Variants in IFT81 observed in about 807,000 individuals in gnomAD.
IFT81 encodes intraflagellar transport 81, also known as intraflagellar transport protein 81 homolog.
IFT81 carries 72 observed loss-of-function variants against 102.6 expected under a neutral mutation model. The ratio of observed to expected loss-of-function variants is 0.70; its 90% CI spans 0.58 to 0.85. The LOEUF is 0.85. Ranked by LOEUF, IFT81 falls within the 40% of genes least tolerant of loss-of-function variation. The probability of loss-of-function intolerance (pLI) is 0.00; values close to 1 mark genes in which losing one functional copy is unlikely to be tolerated. For synonymous variants in IFT81, 237 were observed against 242.7 expected (o/e 0.98, Z 0.22); for missense variants, 723 against 787.3 (o/e 0.92, Z 0.98).
intron 4 of IFT81, among the ~76,000 whole-genome samples, chr12:110,131,030 C>T (rs1894130063): frequency 6.6e-6 from 1 of 152,062 alleles, no homozygotes; most frequent in Non-Finnish European, 1.5e-5. Context: ...TGCCTTTAAT[C>T]CTAGCACTTT....
chr12:110,131,351 C>CT (rs1175222442), intron 4 of IFT81, among the ~76,000 whole-genome samples: 7 of 150,790 alleles, frequency 4.6e-5, no homozygotes, highest in Non-Finnish European at 8.9e-5. Flanking sequence ...CATTCAATTA[C>CT]TTTTTTTTTG....
chr12:110,189,240 G>A (rs1897684762), intron 12 of IFT81, among the ~76,000 whole-genome samples: 1 of 151,998 alleles, frequency 6.6e-6, no homozygotes, highest in African/African-American at 2.4e-5. Flanking sequence ...ATCTTATCCT[G>A]TCTCATGGTT....
At chr12:110,160,254 A>G (rs1896067241) in intron 10 of IFT81, among the ~76,000 whole-genome samples, 1 of 152,230 alleles carries the variant, frequency 6.6e-6, no homozygotes, top group Admixed American at 6.5e-5. Flanking sequence ...ATGATAGACC[A>G]TCTGCAAGCT....
At chr12:110,175,696 G>A (rs1897004527) in intron 11 of IFT81, among the ~76,000 whole-genome samples, 1 of 152,112 alleles carries the variant, frequency 6.6e-6, no homozygotes, top group South Asian at 2.1e-4. Flanking sequence ...CCAGACCATT[G>A]CTCTAAATTA....
chr12:110,145,954 G>A (rs1450511333), intron 9 of IFT81, among the ~76,000 whole-genome samples: 1 of 151,816 alleles, frequency 6.6e-6, no homozygotes, highest in Non-Finnish European at 1.5e-5. Flanking sequence ...AGGACTACAG[G>A]TGCATGCCAC....
rs1365902127 is a variant in IFT81 at position 110,136,784 on chromosome 12, T to G, written c.705T>G (p.His235Gln). The G allele has an allele frequency of 6.2e-7, 1 of 1,604,456 alleles. No individual in the cohort carries two copies. The highest frequency in any genetic ancestry group is 8.5e-7 in the Non-Finnish European group (1 of 1,172,718). ...TTAATTGTATTTTAAAGCTATTTCA[T>G]GCAGTGCAAAGATTGCAAAGAGTAC... ...QKQEQKNQLF[H>Q]AVQRLQRVQN... The change falls in exon 8 of 19, where the codon CAT becomes CAG. Residue 235 changes from histidine (H) to glutamine (Q), a missense_variant. Physicochemically the swap from His to Gln is conservative, Grantham distance 24. Transcript: ENST00000242591.
intron 12 of IFT81, among the ~76,000 whole-genome samples, chr12:110,185,830 G>A (rs1442183821): frequency 6.6e-6 from 1 of 151,740 alleles, no homozygotes; most frequent in African/African-American, 2.4e-5. Flanking sequence ...AAACTCAGGG[G>A]CTCAGGCAAT....
intron 2 of IFT81, 136 bp from the exon 3 acceptor site, chr12:110,127,910 G>A (rs1245389390): frequency 3.2e-6 from 2 of 625,230 alleles, no homozygotes; most frequent in Non-Finnish European, 5.6e-6. Flanking sequence ...GAATCTGGGG[G>A]CCTCCATCCT....
At chr12:110,145,988 T>G (rs999473534) in intron 9 of IFT81, among the ~76,000 whole-genome samples, 7 of 151,584 alleles carry the variant, frequency 4.6e-5, no homozygotes, top group Admixed American at 3.3e-4. Context: ...TTTTTTGTAT[T>G]TTTAGTAGAG....
Position 110,146,934 on chromosome 12 carries a change from T to C in IFT81, c.946-19T>C, listed in dbSNP as rs778837929. 6.3e-7 allele frequency: 1 copy of C among 1,580,354 alleles called. No homozygotes were observed. The highest frequency in any genetic ancestry group is 1.9e-5 in the Admixed American group (1 of 53,860). On this transcript the variant is annotated intron_variant, in intron 9 of 18. Coordinates refer to ENST00000242591, the MANE Select transcript of IFT81 (RefSeq NM_014055.4). ...AGGGAAAGTTTTAACTTTTTTTTTTTGCTTTCATGCTATTTTAGATAAATG... is the reference window on the plus strand; with the variant it reads ...AGGGAAAGTTTTAACTTTTTTTTTTCGCTTTCATGCTATTTTAGATAAATG...
chr12:110,179,769 T>TACACAC (rs1299408451), intron 11 of IFT81, among the ~76,000 whole-genome samples: 35 of 65,352 alleles, frequency 5.4e-4, no homozygotes, highest in African/African-American at 9.8e-4. Context: ...TATATATATA[T>TACACAC]ATATACACAC....
intron 17 of IFT81, among the ~76,000 whole-genome samples, chr12:110,206,036 C>A (rs958760993): frequency 6.6e-6 from 1 of 152,152 alleles, no homozygotes; most frequent in Non-Finnish European, 1.5e-5. Context: ...CTCTTGTAAC[C>A]ATTAAGCAAT....
chr12:110,143,392 G>A lies in IFT81; in HGVS notation c.792G>A (p.Lys264=), dbSNP rs540684366. ...AADAKPESLM[K]RLEEEIKFNL... ...ATTTTATTTTTAAAGGTTTAATGAA[G>A]AGGCTAGAGGAGGAGATAAAATTTA... Residue 264 remains lysine, a synonymous_variant, in exon 9 of 19, where the codon AAG becomes AAA. Coordinates refer to ENST00000242591, the MANE Select transcript of IFT81 (RefSeq NM_014055.4). 1.8e-4 allele frequency: 242 copies of A among 1,330,584 alleles called. No homozygotes were observed. In the African/African-American group the frequency reaches 2.7e-3, roughly 15 times the overall value. 82.4% of individuals were successfully genotyped at this position (1,330,584 alleles called of 1,614,324 possible). A position where few individuals can be genotyped will look rare whatever the true frequency, so the allele number is the denominator to read the frequency against.
At chr12:110,152,590 G>A (rs1313193386) in intron 10 of IFT81, among the ~76,000 whole-genome samples, 1 of 151,862 alleles carries the variant, frequency 6.6e-6, no homozygotes, top group African/African-American at 2.4e-5. Context: ...TTGGGTTTTA[G>A]GAGTTCTCTG....
At chr12:110,152,712 C>G (rs1895610354) in intron 10 of IFT81, among the ~76,000 whole-genome samples, 1 of 151,846 alleles carries the variant, frequency 6.6e-6, no homozygotes, top group Non-Finnish European at 1.5e-5. Context: ...AAGTGATTCT[C>G]CCTCCTCAGT....
chr12:110,196,701 A>T (rs1335316111), intron 14 of IFT81, among the ~76,000 whole-genome samples: 1 of 152,170 alleles, frequency 6.6e-6, no homozygotes, highest in Non-Finnish European at 1.5e-5. Flanking sequence ...AGAAAGAAGG[A>T]AAAAAACTTC....
At chr12:110,179,388 T>G (rs1593342314) in intron 11 of IFT81, among the ~76,000 whole-genome samples, 2 of 152,176 alleles carry the variant, frequency 1.3e-5, no homozygotes, top group South Asian at 2.1e-4. Flanking sequence ...CTAATCCTTA[T>G]TTGTAAAGTC....
At chr12:110,185,851 C>A (rs919930934) in intron 12 of IFT81, among the ~76,000 whole-genome samples, 10 of 152,064 alleles carry the variant, frequency 6.6e-5, no homozygotes, top group Non-Finnish European at 1.2e-4. Flanking sequence ...CCTCCTACCT[C>A]AGCCTCCCAA....
chr12:110,144,843 TG>T (rs759673576), intron 9 of IFT81, among the ~76,000 whole-genome samples: 3 of 148,114 alleles, frequency 2.0e-5, no homozygotes, highest in Non-Finnish European at 4.4e-5. Context: ...AGAATTAAAA[TG>T]CTAGGTCAGG....
Sources: allele counts gnomAD v4.1 joint callset (sites outside exome capture counted in the v4.1 genomes callset), GRCh38; gene constraint gnomAD v4.1.1; transcripts MANE v1.5; gene names NCBI Gene and HGNC (gene_info 2026-07-23, HGNC 2026-07-21).